CLIC5: variants seen among roughly 807,000 people sequenced by gnomAD.
CLIC5 encodes the protein CLIC family member 5.
Under a neutral mutation model 24.7 loss-of-function variants are expected in CLIC5, and 20 were observed. The observed-to-expected ratio is 0.81, with a 90% confidence interval of 0.57 to 1.18. CLIC5 has a LOEUF of 1.18. Among genes scored for constraint, CLIC5 ranks in the 50% most tolerant of loss-of-function variants. The pLI is 0.00. For missense variants in CLIC5, 341 were observed against 326.1 expected (o/e 1.05, Z -0.35); for synonymous variants, 159 against 135.6 (o/e 1.17, Z -1.20).
rs151130023 is a variant in CLIC5 at position 45,952,923 on chromosome 6, T to C, written c.173+2212A>G. Among the ~76,000 whole-genome samples, 584 of 152,310 alleles carry C rather than the reference T, an allele frequency of 3.8e-3. 1 individual carries two copies. The highest frequency in any genetic ancestry group is 0.017 in the Middle Eastern group (5 of 294). On this transcript the variant is annotated intron_variant, in intron 2 of 5. Coordinates refer to ENST00000339561, the MANE Select transcript of CLIC5 (RefSeq NM_016929.5). Reference sequence around the variant, plus strand: ...TTAGTTATCACAGACATTAATTGCATAGTGGATGCAAGTTCATTTATTTGA... The same window carrying C: ...TTAGTTATCACAGACATTAATTGCACAGTGGATGCAAGTTCATTTATTTGA...
intron 1 of CLIC5, among the ~76,000 whole-genome samples, chr6:45,993,579 GA>G (rs1219288850): frequency 7.1e-6 from 1 of 140,330 alleles, no homozygotes; most frequent in Non-Finnish European, 1.5e-5. Flanking sequence ...ACATGGGAGA[GA>G]AAACCCCTCT....
chr6:45,923,421 A>T (rs767737317), intron 4 of CLIC5, among the ~76,000 whole-genome samples: 3 of 152,220 alleles, frequency 2.0e-5, no homozygotes, highest in Non-Finnish European at 4.4e-5. Flanking sequence ...TTTCATCCTC[A>T]AATAGCCACA....
intron 4 of CLIC5, among the ~76,000 whole-genome samples, chr6:45,919,396 C>T (rs1212410628): frequency 2.0e-5 from 3 of 152,108 alleles, no homozygotes; most frequent in Non-Finnish European, 4.4e-5. Context: ...GTGGGGGTTA[C>T]AGGTGGGCTG....
chr6:46,041,189 T>C (rs543955935), intron 1 of CLIC5, among the ~76,000 whole-genome samples: 11 of 152,342 alleles, frequency 7.2e-5, no homozygotes, highest in African/African-American at 9.6e-5. Flanking sequence ...TGTGTGCTTT[T>C]ACCAAATAAC....
At chr6:46,017,706 CA>C (rs148896791), upstream of CLIC5, among the ~76,000 whole-genome samples, 2,399 of 152,298 alleles carry the variant, frequency 0.016, 71 homozygotes, top group African/African-American at 0.056. Context: ...AGGAGCTATA[CA>C]AGCTGTCACG....
intron 1 of CLIC5, among the ~76,000 whole-genome samples, chr6:46,065,361 T>A (rs200158289): frequency 0.03 from 4,051 of 134,006 alleles, 64 homozygotes; most frequent in African/African-American, 0.068. Flanking sequence ...TTTTTTTTTT[T>A]AAAAAAAAGG....
chr6:45,895,389 T>G (rs181058096), downstream of CLIC5, among the ~76,000 whole-genome samples: 1 of 152,174 alleles, frequency 6.6e-6, no homozygotes, highest in East Asian at 1.9e-4. Flanking sequence ...AGCTTTTCAT[T>G]TTTTCAGCCA....
intron 5 of CLIC5, chr6:45,911,864 T>C: frequency 1.0e-6 from 1 of 985,584 alleles, no homozygotes; most frequent in East Asian, 1.1e-4. Flanking sequence ...GAGCTGGTCA[T>C]TTCTTCACAC....
intron 4 of CLIC5, chr6:45,914,639 C>T: frequency 1.2e-6 from 1 of 814,874 alleles, no homozygotes; most frequent in Non-Finnish European, 1.6e-6. Context: ...TAATCTTTTG[C>T]TTTGAAAAAA....
At chr6:46,052,793 G>A (rs1205809434) in intron 1 of CLIC5, among the ~76,000 whole-genome samples, 1 of 151,986 alleles carries the variant, frequency 6.6e-6, no homozygotes, top group Non-Finnish European at 1.5e-5. Flanking sequence ...CCATTTGAGG[G>A]TGTGGGGAGA....
intron 3 of CLIC5, among the ~76,000 whole-genome samples, chr6:45,946,280 C>T (rs1437413834): frequency 1.3e-5 from 2 of 152,232 alleles, no homozygotes; most frequent in Non-Finnish European, 2.9e-5. Flanking sequence ...AATCACAACA[C>T]TTCCTTGTCG....
rs1762519740 is a variant in CLIC5 at position 45,901,877 on chromosome 6, G to A, written c.*1211C>T. 1 of 152,304 alleles carries A rather than the reference G, an allele frequency of 6.6e-6. No homozygotes were observed. The highest frequency in any genetic ancestry group is 2.1e-4 in the South Asian group (1 of 4,810). 9.4% of individuals were successfully genotyped at this position (152,304 alleles called of 1,614,324 possible). A position where few individuals can be genotyped will look rare whatever the true frequency, so the allele number is the denominator to read the frequency against. The stretch of plus-strand genomic sequence containing the variant: ...TGGTTTCCTAGTCAGAAAGTCTCAT[G>A]GACTTTCTTCCTAAGGTGTTCTATG... On this transcript the variant is annotated 3_prime_UTR_variant, in exon 6 of 6. Transcript: ENST00000339561.
intron 6 of CLIC5, among the ~76,000 whole-genome samples, chr6:45,888,562 T>C (rs1371352356): frequency 6.6e-6 from 1 of 152,184 alleles, no homozygotes; most frequent in African/African-American, 2.4e-5. Context: ...AAAGATGCCT[T>C]AAACAGCCTG....
chr6:46,088,167 G>A, the CLIC5 span, among the ~76,000 whole-genome samples: 6 of 151,064 alleles, frequency 4.0e-5, no homozygotes, highest in African/African-American at 1.5e-4. Flanking sequence ...CTTTCTGTGT[G>A]TGTGTGTGTG....
intron 4 of CLIC5, among the ~76,000 whole-genome samples, chr6:45,915,834 A>G (rs1042696232): frequency 2.6e-5 from 4 of 152,190 alleles, no homozygotes; most frequent in Non-Finnish European, 5.9e-5. Context: ...GAAACTTTCT[A>G]CTTGAGCTCA....
intron 1 of CLIC5, among the ~76,000 whole-genome samples, chr6:46,006,127 CATATATATATATATATAT>C (rs58643121): frequency 1.1e-4 from 4 of 35,180 alleles, no homozygotes; most frequent in African/African-American, 1.8e-4. Context: ...TGTATAAATA[CATATATATATATATATAT>C]ATATATATAT....
intron 6 of CLIC5, among the ~76,000 whole-genome samples, chr6:45,885,401 G>A (rs1310760220): frequency 2.6e-5 from 4 of 152,248 alleles, no homozygotes; most frequent in African/African-American, 7.2e-5. Flanking sequence ...CTGCCCAGTC[G>A]ATGGTACCTT....
At chr6:46,037,066 T>G (rs181616784) in intron 1 of CLIC5, among the ~76,000 whole-genome samples, 13 of 152,334 alleles carry the variant, frequency 8.5e-5, no homozygotes, top group Admixed American at 3.3e-4. Context: ...GTCTTCATAT[T>G]TTTCATACAG....
chr6:45,992,973 A>G (rs60109091), intron 1 of CLIC5, among the ~76,000 whole-genome samples: 5,076 of 152,252 alleles, frequency 0.033, 278 homozygotes, highest in African/African-American at 0.11. Flanking sequence ...ACACACAAAC[A>G]CAAGCTAACT....
Sources: gnomAD v4.1 joint callset for allele counts (sites outside exome capture counted in the v4.1 genomes callset) on GRCh38, gnomAD v4.1.1 for gene constraint, MANE v1.5 for transcripts, NCBI Gene and HGNC (gene_info 2026-07-23, HGNC 2026-07-21) for gene names.